The following PARD3 variants were observed in gnomAD, a reference collection of about 807,000 sequenced individuals.
PARD3 encodes partitioning defective 3 homolog.
A neutral mutation model predicts 155.4 loss-of-function variants in PARD3; 75 were observed. The observed-to-expected ratio is 0.48, with a 90% CI of 0.40 to 0.58. The LOEUF is 0.58. Among genes scored for constraint, PARD3 ranks in the 20% least tolerant of loss-of-function variants. The pLI, the probability that PARD3 is intolerant of heterozygous loss-of-function variation, is 0.00. For missense variants in PARD3, 1,642 were observed against 1,721.7 expected, an observed-to-expected ratio of 0.95 and a Z score of 0.82; for synonymous variants, 576 against 610.5, an observed-to-expected ratio of 0.94 and a Z score of 0.83.
intron 22 of PARD3, among the ~76,000 whole-genome samples, chr10:34,139,627 C>A (rs2132850809): frequency 6.6e-6 from 1 of 152,254 alleles, no homozygotes; most frequent in Non-Finnish European, 1.5e-5. Context: ...CCGGGAGAAA[C>A]AGATGTAGGG....
intron 9 of PARD3, among the ~76,000 whole-genome samples, chr10:34,379,005 A>T (rs1841552576): frequency 1.3e-5 from 2 of 152,184 alleles, no homozygotes; most frequent in South Asian, 4.1e-4. Flanking sequence ...ATACATTTGT[A>T]ATGAATCACA....
At position 34,294,089 on chromosome 10, in the gene PARD3, A is replaced by C. The variant is rs950307619; in HGVS notation, c.3066-9844T>G. 2.8e-5 allele frequency among the ~76,000 whole-genome samples: 4 copies of C among 141,466 alleles called. No homozygotes were observed. The East Asian group carries it at 8.1e-4, about 29-fold the overall frequency. The allele number at this position is 141,466 out of a possible 152,430, so 92.8% of individuals were successfully genotyped here. ...TTCACTACACACCTTTCTCTAGGAC[A>C]AACAACAGGAGGTATTCAGTAACAA... is the stretch of plus-strand genomic sequence containing the variant. On this transcript the variant is annotated intron_variant, in intron 20 of 24. Coordinates refer to ENST00000374788, the MANE Select transcript of PARD3 (RefSeq NM_001184785.2).
intron 2 of PARD3, among the ~76,000 whole-genome samples, chr10:34,636,080 A>AGAAGGAAGAAG (rs2092461004): frequency 6.6e-6 from 1 of 152,004 alleles, no homozygotes; most frequent in African/African-American, 2.4e-5. Flanking sequence ...GAAGGAAGGA[A>AGAAGGAAGAAG]GAAGGAAGAA....
intron 2 of PARD3, among the ~76,000 whole-genome samples, chr10:34,611,768 C>A (rs2090906372): frequency 6.6e-6 from 1 of 151,116 alleles, no homozygotes; most frequent in Non-Finnish European, 1.5e-5. Flanking sequence ...TTTTCATCCA[C>A]GTACATGAAG....
intron 1 of PARD3, among the ~76,000 whole-genome samples, chr10:34,783,322 C>T (rs1179711702): frequency 6.6e-6 from 1 of 151,894 alleles, no homozygotes; most frequent in Non-Finnish European, 1.5e-5. Context: ...TATAAGTCCT[C>T]GGCCAGGCAC....
intron 21 of PARD3, among the ~76,000 whole-genome samples, chr10:34,282,889 T>C (rs932428064): frequency 1.3e-5 from 2 of 152,116 alleles, no homozygotes; most frequent in Non-Finnish European, 2.9e-5. Context: ...CCAAAATTGA[T>C]GAGGATTAGA....
chr10:34,515,644 C>T (rs1158775554), intron 3 of PARD3, among the ~76,000 whole-genome samples: 1 of 152,202 alleles, frequency 6.6e-6, no homozygotes, highest in African/African-American at 2.4e-5. Flanking sequence ...TTTCCTTGTT[C>T]TCTTTATATA....
chr10:34,365,736 A>C (rs1283057209), intron 12 of PARD3, among the ~76,000 whole-genome samples: 1 of 152,080 alleles, frequency 6.6e-6, no homozygotes, highest in African/African-American at 2.4e-5. Context: ...TAAAGGCGTG[A>C]GCCACTACAC....
chr10:34,148,976 C>T (rs1948652032), intron 22 of PARD3, among the ~76,000 whole-genome samples: 2 of 151,914 alleles, frequency 1.3e-5, no homozygotes, highest in Admixed American at 6.6e-5. Context: ...ATTTAAGAAA[C>T]CGTTGATCAT....
At chr10:34,350,792 C>T (rs1837990524) in intron 14 of PARD3, among the ~76,000 whole-genome samples, 1 of 152,080 alleles carries the variant, frequency 6.6e-6, no homozygotes, top group Admixed American at 6.5e-5. Flanking sequence ...GCTGTTTAGC[C>T]CCTCAGTTCC....
intron 16 of PARD3, among the ~76,000 whole-genome samples, chr10:34,337,681 CTCTG>C (rs1836341430): frequency 6.6e-6 from 1 of 152,090 alleles, no homozygotes; most frequent in Non-Finnish European, 1.5e-5. Context: ...CTACTTTCCT[CTCTG>C]TTTCTTCACT....
At chr10:34,711,182 T>C (rs2094444875) in intron 1 of PARD3, among the ~76,000 whole-genome samples, 1 of 147,762 alleles carries the variant, frequency 6.8e-6, no homozygotes, top group African/African-American at 2.5e-5. Context: ...TAAAAAAAAG[T>C]AAAAACAAAA....
intron 2 of PARD3, among the ~76,000 whole-genome samples, chr10:34,606,839 C>T (rs1019019729): frequency 6.0e-5 from 9 of 151,254 alleles, no homozygotes; most frequent in South Asian, 2.1e-4. Context: ...TGGTGGTGCA[C>T]GCCTGTAGTC....
At chr10:34,398,514 A>T (rs1843568887) in intron 7 of PARD3, among the ~76,000 whole-genome samples, 2 of 152,236 alleles carry the variant, frequency 1.3e-5, no homozygotes, top group South Asian at 4.1e-4. Context: ...AAAAGCCAAA[A>T]TAGGTCATTA....
chr10:34,327,528 A>G (rs16935315), intron 19 of PARD3, among the ~76,000 whole-genome samples: 9,845 of 152,250 alleles, frequency 0.065, 1,056 homozygotes, highest in African/African-American at 0.22. Context: ...CAACTGACAA[A>G]AGCAATCAAC....
intron 2 of PARD3, among the ~76,000 whole-genome samples, chr10:34,558,407 A>AAAAT (rs1490067597): frequency 6.6e-6 from 1 of 152,216 alleles, no homozygotes; most frequent in East Asian, 1.9e-4. Context: ...AACAATTGAT[A>AAAAT]AAATACTTAT....
chr10:34,274,859 A>G (rs1955800376), intron 21 of PARD3, among the ~76,000 whole-genome samples: 1 of 152,142 alleles, frequency 6.6e-6, no homozygotes. Flanking sequence ...GAGAATAGGA[A>G]CACACTCTTT....
chr10:34,720,092 G>GT (rs2133719705), intron 1 of PARD3, among the ~76,000 whole-genome samples: 1 of 152,320 alleles, frequency 6.6e-6, no homozygotes, highest in South Asian at 2.1e-4. Flanking sequence ...TCCCCCTGAA[G>GT]TAAATACTGA....
chr10:34,198,453 GGTGT>G (rs59976562), intron 22 of PARD3, among the ~76,000 whole-genome samples: 40,335 of 146,794 alleles, frequency 0.27, 5,643 homozygotes, highest in African/African-American at 0.31. Flanking sequence ...ATCACTAATT[GGTGT>G]GTGTGTGTGT....
Sources: allele counts gnomAD v4.1 joint callset (sites outside exome capture counted in the v4.1 genomes callset), GRCh38; gene constraint gnomAD v4.1.1; transcripts MANE v1.5; gene names NCBI Gene and HGNC (gene_info 2026-07-23, HGNC 2026-07-21).